STIM1: variants seen among roughly 807,000 people sequenced by gnomAD.
STIM1 encodes stromal interaction molecule 1.
STIM1 carries 25 observed loss-of-function variants against 74.7 expected under a neutral mutation model. The observed-to-expected ratio is 0.33, with a 90% CI of 0.24 to 0.47. STIM1 has a LOEUF of 0.47. STIM1 is among the 20% of genes least tolerant of loss of function. The probability of loss-of-function intolerance (pLI) is 1.00; values close to 1 mark genes in which losing one functional copy is unlikely to be tolerated. For synonymous variants in STIM1, 328 were observed against 348.8 expected (o/e 0.94, Z 0.66); for missense variants, 728 against 920.8 (o/e 0.79, Z 2.71).
intron 7 of STIM1, among the ~76,000 whole-genome samples, chr11:4,075,738 A>G (rs1263114639): frequency 6.6e-6 from 1 of 152,216 alleles, no homozygotes; most frequent in Non-Finnish European, 1.5e-5. Context: ...TCTGTTGGAC[A>G]TATAATATTC....
intron 1 of STIM1, among the ~76,000 whole-genome samples, chr11:3,885,311 T>A (rs573710477): frequency 2.6e-4 from 39 of 152,120 alleles, no homozygotes; most frequent in Non-Finnish European, 5.3e-4. Context: ...CCCAAGTAGC[T>A]GGGGCTATAG....
At chr11:4,041,804 C>G (rs2094150106) in intron 3 of STIM1, among the ~76,000 whole-genome samples, 3 of 152,110 alleles carry the variant, frequency 2.0e-5, no homozygotes, top group South Asian at 2.1e-4. Context: ...CCAGGCTGGT[C>G]TTGAACTCCT....
At chr11:3,916,333 C>T (rs952112749) in intron 1 of STIM1, among the ~76,000 whole-genome samples, 1 of 151,508 alleles carries the variant, frequency 6.6e-6, no homozygotes, top group African/African-American at 2.4e-5. Context: ...GTTGCCCAGG[C>T]TGGAGTGCAG....
At chr11:3,941,673 T>TATATATATAGAGAGAG (rs141623520) in intron 1 of STIM1, among the ~76,000 whole-genome samples, 3 of 90,730 alleles carry the variant, frequency 3.3e-5, no homozygotes, top group Non-Finnish European at 4.6e-5. Context: ...TATATATATA[T>TATATATATAGAGAGAG]AGAGAGAGAG....
chr11:4,011,168 G>A lies in STIM1; in HGVS notation c.271-12705G>A, dbSNP rs537395443. The stretch of plus-strand genomic sequence containing the variant: ...AGTCTTTGCTATTGTGAATAGTGCC[G>A]CAATAAACATATGTGTGCATGTGTC... On this transcript the variant is annotated intron_variant, in intron 2 of 12. Coordinates refer to ENST00000526596, the MANE Select transcript of STIM1 (RefSeq NM_001382567.1). Among the ~76,000 whole-genome samples, 12 of 152,188 alleles carry A rather than the reference G, an allele frequency of 7.9e-5. No individual in the cohort carries two copies. The South Asian group carries it at 8.3e-4, about 11-fold the overall frequency.
chr11:3,945,236 A>G (rs1439367867), intron 1 of STIM1, among the ~76,000 whole-genome samples: 1 of 152,192 alleles, frequency 6.6e-6, no homozygotes, highest in Non-Finnish European at 1.5e-5. Context: ...ATAAGGCAGT[A>G]TATATGGAGA....
intron 2 of STIM1, among the ~76,000 whole-genome samples, chr11:4,007,612 C>T (rs184323821): frequency 6.6e-6 from 1 of 152,180 alleles, no homozygotes; most frequent in African/African-American, 2.4e-5. Flanking sequence ...TATGGGAGCA[C>T]AGAAGAAGTC....
At chr11:4,090,892 T>C (rs1009018854) in intron 12 of STIM1, among the ~76,000 whole-genome samples, 14 of 152,126 alleles carry the variant, frequency 9.2e-5, no homozygotes, top group Admixed American at 7.9e-4. Context: ...ATGATGACAT[T>C]TGTTTTTGTT....
intron 1 of STIM1, among the ~76,000 whole-genome samples, chr11:3,923,072 C>T (rs1479036715): frequency 2.0e-5 from 3 of 149,936 alleles, no homozygotes. Flanking sequence ...TGCACTCCAG[C>T]CTGGGAGACA....
intron 1 of STIM1, among the ~76,000 whole-genome samples, chr11:3,856,689 A>G (rs2090384714): frequency 6.6e-6 from 1 of 152,192 alleles, no homozygotes; most frequent in Non-Finnish European, 1.5e-5. Flanking sequence ...TTAGATCAGC[A>G]AGGAAAGACC....
chr11:3,996,744 T>C (rs2093666600), intron 2 of STIM1, among the ~76,000 whole-genome samples: 2 of 152,226 alleles, frequency 1.3e-5, no homozygotes, highest in Admixed American at 6.5e-5. Context: ...AAACTTTAAA[T>C]GGTTGCTTTT....
At chr11:3,913,856 T>A (rs898322716) in intron 1 of STIM1, among the ~76,000 whole-genome samples, 1 of 152,218 alleles carries the variant, frequency 6.6e-6, no homozygotes, top group African/African-American at 2.4e-5. Context: ...TTCATATCAA[T>A]GAAATCATAT....
At chr11:4,090,267 C>T (rs1387926154) in intron 12 of STIM1, among the ~76,000 whole-genome samples, 1 of 152,116 alleles carries the variant, frequency 6.6e-6, no homozygotes, top group Non-Finnish European at 1.5e-5. Flanking sequence ...CTTCATTAGG[C>T]CAAAGTTAAG....
chr11:4,056,953 C>G (rs2094294554), intron 4 of STIM1, among the ~76,000 whole-genome samples: 2 of 152,152 alleles, frequency 1.3e-5, no homozygotes, highest in Middle Eastern at 3.2e-3. Context: ...TTCACTGCAT[C>G]TTCCTCTTGT....
chr11:4,086,480 CT>C lies in STIM1; in HGVS notation c.1572del (p.Ser525AlafsTer10). 6.2e-7 allele frequency: 1 copy of C among 1,614,060 alleles called. No homozygotes were observed. The highest frequency in any genetic ancestry group is 8.5e-7 in the Non-Finnish European group (1 of 1,180,004). ...ACTTTCTTTATTCTCCTTGCAGCCC[CT>C]AGCCTGCAGAGCAGTGTTCGGCAGC... is the stretch of plus-strand genomic sequence containing the variant. The part of the protein sequence containing the change: ...DDQSLWKYPA[P>X]SLQSSVRQRL... On this transcript the variant is annotated frameshift_variant, in exon 12 of 13. Transcript: ENST00000526596. LOFTEE classifies it high-confidence loss of function.
chr11:3,949,292 A>G (rs1296574712), intron 1 of STIM1, among the ~76,000 whole-genome samples: 5 of 152,234 alleles, frequency 3.3e-5, no homozygotes, highest in African/African-American at 4.8e-5. Flanking sequence ...AGGGAACATC[A>G]TGTACAAAGC....
intron 3 of STIM1, 151 bp from the exon 4 acceptor site, chr11:4,055,375 C>A: frequency 1.5e-6 from 1 of 675,360 alleles, no homozygotes; most frequent in Non-Finnish European, 2.7e-6. Flanking sequence ...TATAAATAGA[C>A]TCACAGTGTA....
chr11:4,070,076 A>C lies in STIM1; in HGVS notation c.664A>C (p.Ile222Leu). Residue 222 changes from isoleucine (I) to leucine (L), a missense_variant, in exon 6 of 13, where the codon ATT (isoleucine) becomes CTT (leucine). Around this residue, in one of 5 missense-constraint regions of STIM1, gnomAD observed 132 missense variants for 158.2 expected, o/e 0.83. Coordinates refer to ENST00000526596, the MANE Select transcript of STIM1 (RefSeq NM_001382567.1). ...CTTCATGCTGGTGGTGTCTATCGTT[A>C]TTGGTGTGGGCGGCTGCTGGTTTGC... ...KDFMLVVSIV[I>L]GVGGCWFAYI... 6.2e-7 allele frequency: 1 copy of C among 1,614,158 alleles called. No individual in the cohort carries two copies. Among genetic ancestry groups the C allele is most frequent in the Non-Finnish European group, 8.5e-7 (1 of 1,180,026 alleles).
chr11:3,917,435 G>GTT (rs558911615), intron 1 of STIM1, among the ~76,000 whole-genome samples: 7,048 of 133,232 alleles, frequency 0.053, 592 homozygotes, highest in African/African-American at 0.18. Context: ...CAGGGTTTCT[G>GTT]TTTTTTTTTT....
Sources: gnomAD v4.1 joint callset for allele counts (sites outside exome capture counted in the v4.1 genomes callset) on GRCh38, gnomAD v4.1.1 for gene constraint, gnomAD v4.1.1 regional missense constraint, MANE v1.5 for transcripts, NCBI Gene and HGNC (gene_info 2026-07-23, HGNC 2026-07-21) for gene names.